The following NBPF11 variants were observed in gnomAD, a reference collection of about 807,000 sequenced individuals.
NBPF11 encodes NBPF member 11, also known as NBPF family member NBPF11.
Under a neutral mutation model 93.9 loss-of-function variants are expected in NBPF11, and 72 were observed. The ratio of observed to expected loss-of-function variants is 0.77; its 90% confidence interval spans 0.63 to 0.93. The LOEUF is 0.93. NBPF11 is among the 40% of genes least tolerant of loss of function. The probability of loss-of-function intolerance (pLI) is 0.00; values close to 1 mark genes in which losing one functional copy is unlikely to be tolerated. For missense variants in NBPF11, 705 were observed against 802.2 expected, an observed-to-expected ratio of 0.88 and a Z score of 1.46; for synonymous variants, 224 against 304.9, an observed-to-expected ratio of 0.73 and a Z score of 2.76.
chr1:148,148,907 G>A (rs1415159638), intron 1 of NBPF11, among the ~76,000 whole-genome samples: 2 of 151,416 alleles, frequency 1.3e-5, no homozygotes, highest in Non-Finnish European at 2.9e-5. Flanking sequence ...CAGGATCCCT[G>A]CAGATCCTAG....
intron 1 of NBPF11, chr1:148,146,342 G>T (rs1450222182): frequency 1.5e-5 from 22 of 1,440,912 alleles, no homozygotes; most frequent in South Asian, 2.9e-5. Context: ...GCCAGGCCGG[G>T]CGGCGTTGTT....
intron 12 of NBPF11, among the ~76,000 whole-genome samples, chr1:148,117,278 A>C (rs1468710007): frequency 0.085 from 12,608 of 147,936 alleles, 600 homozygotes; most frequent in Middle Eastern, 0.16. Context: ...TTTTCACTCT[A>C]ACAAGCCTGC....
chr1:148,121,941 T>C (rs1437088986), intron 9 of NBPF11, 114 bp downstream of exon 9: 1 of 894,350 alleles, frequency 1.1e-6, no homozygotes, highest in African/African-American at 1.6e-5. Context: ...AGCACCTAGC[T>C]CCATCCTAGT....
At chr1:148,143,059 G>T (rs1346365856) in intron 2 of NBPF11, among the ~76,000 whole-genome samples, 2 of 150,448 alleles carry the variant, frequency 1.3e-5, no homozygotes, top group African/African-American at 4.9e-5. Context: ...GGAGAAAGCA[G>T]GTGAAAGAGG....
At chr1:148,121,418 G>A (rs1195491744) in intron 9 of NBPF11, among the ~76,000 whole-genome samples, 11 of 147,016 alleles carry the variant, frequency 7.5e-5, no homozygotes, top group African/African-American at 2.8e-4. Flanking sequence ...CACAGTCTCG[G>A]CTCACTGCAA....
intron 6 of NBPF11, 41 bp from the exon 7 acceptor site, chr1:148,124,108 T>C (rs1332401195): frequency 9.3e-6 from 15 of 1,609,328 alleles, no homozygotes; most frequent in East Asian, 2.2e-5. Context: ...GTGAAAAGCA[T>C]TGAGTGATCC....
chr1:148,149,584 C>G (rs1647752759), intron 1 of NBPF11: 6 of 1,592,962 alleles, frequency 3.8e-6, no homozygotes, highest in South Asian at 2.2e-5. Context: ...CCCAACCAGC[C>G]GGACCTCAGC....
At chr1:148,138,273 A>G (rs1412642749) in intron 2 of NBPF11, among the ~76,000 whole-genome samples, 18 of 151,196 alleles carry the variant, frequency 1.2e-4, no homozygotes, top group Non-Finnish European at 2.9e-5. Context: ...CGGGCTTTAC[A>G]CCGAGACATT....
At chr1:148,108,054 G>A (rs1194658042) in intron 18 of NBPF11, among the ~76,000 whole-genome samples, 5 of 150,392 alleles carry the variant, frequency 3.3e-5, no homozygotes, top group Non-Finnish European at 7.4e-5. Context: ...TAAAGCAAAT[G>A]CCCCCAAATG....
At chr1:148,116,624 C>T (rs1202636768) in intron 12 of NBPF11, 89 bp from the exon 13 acceptor site, 16 of 609,576 alleles carry the variant, frequency 2.6e-5, no homozygotes, top group South Asian at 1.7e-4. Flanking sequence ...ACATGAACAT[C>T]TAGGCATGGG....
intron 1 of NBPF11, chr1:148,146,897 C>G: frequency 6.2e-7 from 1 of 1,613,204 alleles, no homozygotes; most frequent in Non-Finnish European, 8.5e-7. Flanking sequence ...GACATCGACG[C>G]CACCTGGCAG....
intron 17 of NBPF11, among the ~76,000 whole-genome samples, chr1:148,109,078 C>T (rs1222762196): frequency 1.1e-4 from 16 of 151,444 alleles, no homozygotes; most frequent in African/African-American, 2.9e-4. Flanking sequence ...TATGGTCAAC[C>T]TTCACTAGGT....
At chr1:148,149,598 A>G in intron 1 of NBPF11, 3 of 1,587,038 alleles carry the variant, frequency 1.9e-6, no homozygotes, top group Non-Finnish European at 2.6e-6. Flanking sequence ...CCTCAGCAAT[A>G]AGGCGGCCCC....
chr1:148,132,723 C>CCTT (rs1670621188), intron 4 of NBPF11, among the ~76,000 whole-genome samples: 7 of 33,212 alleles, frequency 2.1e-4, no homozygotes, highest in African/African-American at 2.0e-4. Flanking sequence ...GTTGACTTTC[C>CCTT]TTTTTTTTTT....
intron 20 of NBPF11, 21 bp from the exon 21 acceptor site, chr1:148,106,253 G>C (rs1553267284): frequency 3.2e-6 from 2 of 629,080 alleles, no homozygotes; most frequent in African/African-American, 1.9e-5. Flanking sequence ...TTCAGACAGG[G>C]ACAGACAAAA....
chr1:148,137,379 C>T (rs1671482426), intron 3 of NBPF11, among the ~76,000 whole-genome samples: 1 of 151,952 alleles, frequency 6.6e-6, no homozygotes, highest in Non-Finnish European at 1.5e-5. Context: ...GCCCTCAGTC[C>T]CCCACAAACA....
intron 23 of NBPF11, 90 bp from the exon 24 acceptor site, chr1:148,104,002 G>C (rs1278821107): frequency 1.9e-6 from 3 of 1,607,970 alleles, no homozygotes; most frequent in African/African-American, 2.7e-5. Context: ...TAAGGAAGTG[G>C]TTGGAAAAGA....
intron 2 of NBPF11, among the ~76,000 whole-genome samples, chr1:148,140,371 C>G (rs1232045014): frequency 6.6e-6 from 1 of 151,434 alleles, no homozygotes; most frequent in African/African-American, 2.4e-5. Context: ...ATGATGGCTT[C>G]TTAAATACAA....
At chr1:148,120,751 G>A (rs1356636654) in intron 9 of NBPF11, 41 bp from the exon 10 acceptor site, 1 of 1,373,614 alleles carries the variant, frequency 7.3e-7, no homozygotes, top group Non-Finnish European at 1.0e-6. Context: ...GTTAAAAACT[G>A]GTGAAATCAA....
Sources: gnomAD v4.1 joint callset for allele counts (sites outside exome capture counted in the v4.1 genomes callset) on GRCh38, gnomAD v4.1.1 for gene constraint, MANE v1.5 for transcripts, NCBI Gene and HGNC (gene_info 2026-07-23, HGNC 2026-07-21) for gene names.